SDK1: variants seen among roughly 807,000 people sequenced by gnomAD.
The protein encoded by SDK1 is protein sidekick-1.
In SDK1, 157 loss-of-function variants were observed where a neutral mutation model predicts 245.5. The observed-to-expected ratio is 0.64, with a 90% CI of 0.56 to 0.73. SDK1 has a LOEUF of 0.73. Among genes scored for constraint, SDK1 ranks in the 30% least tolerant of loss-of-function variants. The pLI is 0.00. For synonymous variants in SDK1, 1,647 were observed against 1,278.5 expected (o/e 1.29, Z -6.15); for missense variants, 3,583 against 3,002.3 (o/e 1.19, Z -4.52).
intron 35 of SDK1, among the ~76,000 whole-genome samples, chr7:4,187,224 G>C (rs1362083005): frequency 6.6e-6 from 1 of 152,078 alleles, no homozygotes; most frequent in African/African-American, 2.4e-5. Flanking sequence ...CCATGTGGGG[G>C]TAAACCTCCA....
At chr7:3,379,220 G>A (rs1237655877) in intron 1 of SDK1, among the ~76,000 whole-genome samples, 1 of 152,160 alleles carries the variant, frequency 6.6e-6, no homozygotes, top group African/African-American at 2.4e-5. Flanking sequence ...GAAAATAATG[G>A]TGAAGAGAAG....
chr7:3,387,530 C>G (rs1333344913), intron 1 of SDK1, among the ~76,000 whole-genome samples: 1 of 152,188 alleles, frequency 6.6e-6, no homozygotes, highest in Non-Finnish European at 1.5e-5. Context: ...CTGCATATGC[C>G]AATCACAGTG....
chr7:3,301,621 G>C lies in SDK1; in HGVS notation c.35G>C (p.Gly12Ala). 1 of 971,564 alleles carries C rather than the reference G, an allele frequency of 1.0e-6. No individual in the cohort carries two copies. 60.2% of individuals were successfully genotyped at this position (971,564 alleles called of 1,614,324 possible). ...ARGARPSAAG[G>A]GGGGAEPPER... Reference sequence around the variant, plus strand: ...GGCGCCCGGCCCTCGGCGGCCGGTGGCGGCGGCGGCGGCGCGGAGCCCCCT... The same window carrying C: ...GGCGCCCGGCCCTCGGCGGCCGGTGCCGGCGGCGGCGGCGCGGAGCCCCCT... The change falls in exon 1 of 45, where the codon GGC (glycine) becomes GCC (alanine). Residue 12 changes from glycine to alanine, a missense_variant. Gly to Ala is a moderately conservative substitution (Grantham distance 60). Coordinates refer to ENST00000404826, the MANE Select transcript of SDK1 (RefSeq NM_152744.4).
intron 44 of SDK1, among the ~76,000 whole-genome samples, chr7:4,252,839 T>C (rs948624735): frequency 6.6e-6 from 1 of 150,726 alleles, no homozygotes; most frequent in African/African-American, 2.4e-5. Context: ...CCCCCTCTTT[T>C]TTTTTTTGTT....
Position 4,175,801 on chromosome 7 carries a change from A to G in SDK1, c.4963A>G (p.Ser1655Gly), listed in dbSNP as rs746269291. The G allele has an allele frequency of 5.6e-5, 90 of 1,613,856 alleles. No homozygotes were observed. Among genetic ancestry groups the G allele is most frequent in the Non-Finnish European group, 7.4e-5 (87 of 1,180,040 alleles). Residue 1655 changes from serine to glycine, a missense_variant, in exon 34 of 45, where the codon AGC becomes GGC. Coordinates refer to ENST00000404826, the MANE Select transcript of SDK1 (RefSeq NM_152744.4). ...TAQSSFKTVN[S>G]SSTSTMCELT... ...CCAAAGCAGCTTCAAGACGGTGAAC[A>G]GCAGCTCCACATCGACGATGTGTGA...
chr7:3,394,517 CATTTGCATTTTA>C (rs1280645191), intron 1 of SDK1, among the ~76,000 whole-genome samples: 1 of 151,592 alleles, frequency 6.6e-6, no homozygotes, highest in Non-Finnish European at 1.5e-5. Context: ...TTTGCATTTT[CATTTGCATTTTA>C]GGACCTGCTT....
At chr7:3,575,007 A>T (rs1780239575) in intron 1 of SDK1, among the ~76,000 whole-genome samples, 1 of 152,034 alleles carries the variant, frequency 6.6e-6, no homozygotes, top group South Asian at 2.1e-4. Flanking sequence ...CAGTTGCTGG[A>T]ATCATCACAG....
At chr7:4,096,980 C>G (rs556036247) in intron 22 of SDK1, among the ~76,000 whole-genome samples, 41 of 152,328 alleles carry the variant, frequency 2.7e-4, no homozygotes, top group African/African-American at 9.9e-4. Flanking sequence ...TCACAGTGCA[C>G]TCGAGCAGAA....
intron 1 of SDK1, among the ~76,000 whole-genome samples, chr7:3,529,737 T>C (rs1016882621): frequency 2.6e-5 from 4 of 152,070 alleles, no homozygotes; most frequent in African/African-American, 4.8e-5. Context: ...TCTTGAGATA[T>C]CTCCCCCAAA....
rs533644430 is a variant in SDK1 at position 4,026,416 on chromosome 7, C to T, written c.2602+9064C>T. 1.3e-5 allele frequency among the ~76,000 whole-genome samples: 2 copies of T among 152,308 alleles called. No individual in the cohort carries two copies. Among genetic ancestry groups the T allele is most frequent in the South Asian group, 2.1e-4 (1 of 4,824 alleles). ...ACTGGTATTTTGTGAATAGAAATAA[C>T]ATCTTGTTCCTAACTGACTTCAGAG... is the stretch of plus-strand genomic sequence containing the variant. On this transcript the variant is annotated intron_variant, in intron 17 of 44. Transcript: ENST00000404826. This position sits in a 1 kb window ranked among gnomAD's most constrained non-coding sequence, Gnocchi z 4.1.
At chr7:3,412,625 G>A (rs73298396) in intron 1 of SDK1, among the ~76,000 whole-genome samples, 8,602 of 152,248 alleles carry the variant, frequency 0.056, 687 homozygotes, top group African/African-American at 0.18. Flanking sequence ...AAAGCTGTAG[G>A]ATAAATTCCT....
chr7:4,129,434 C>T (rs1258406605), intron 26 of SDK1, among the ~76,000 whole-genome samples: 1 of 151,552 alleles, frequency 6.6e-6, no homozygotes, highest in Non-Finnish European at 1.5e-5. Context: ...GGGGTACCTA[C>T]AGCATGCACA....
chr7:3,515,019 G>C (rs917121556), intron 1 of SDK1, among the ~76,000 whole-genome samples: 1 of 152,130 alleles, frequency 6.6e-6, no homozygotes. Context: ...GGCATTATTA[G>C]GCTTGGAGGG....
At chr7:3,432,416 A>G (rs1389279592) in intron 1 of SDK1, among the ~76,000 whole-genome samples, 2 of 152,110 alleles carry the variant, frequency 1.3e-5, no homozygotes, top group African/African-American at 4.8e-5. Context: ...TACTATGGCA[A>G]TCTTATTCCT....
At chr7:4,160,312 G>T (rs1370018189) in intron 31 of SDK1, among the ~76,000 whole-genome samples, 1 of 152,172 alleles carries the variant, frequency 6.6e-6, no homozygotes, top group East Asian at 1.9e-4. Context: ...GACAGATTGT[G>T]TGAAAGCAAA....
intron 4 of SDK1, among the ~76,000 whole-genome samples, chr7:3,718,395 T>TA (rs1785264328): frequency 6.6e-6 from 1 of 151,710 alleles, no homozygotes; most frequent in Non-Finnish European, 1.5e-5. Context: ...TAGTTCCAGA[T>TA]ACATGGTGGG....
At chr7:3,762,878 G>A (rs768176619) in intron 4 of SDK1, among the ~76,000 whole-genome samples, 7 of 152,164 alleles carry the variant, frequency 4.6e-5, no homozygotes, top group Admixed American at 1.3e-4. Flanking sequence ...TGATTTTTGA[G>A]GTTGCCTACA....
At position 3,578,326 on chromosome 7, in the gene SDK1, C is replaced by T. The variant is rs557435278; in HGVS notation, c.299-40754C>T. ...AGAACAGGGAGTAGGTCACAAAGATCACATGCTTCAAAGGGCAAAAAGGAG... is the reference window on the plus strand; with the variant it reads ...AGAACAGGGAGTAGGTCACAAAGATTACATGCTTCAAAGGGCAAAAAGGAG... On this transcript the variant is annotated intron_variant, in intron 1 of 44. Coordinates refer to ENST00000404826, the MANE Select transcript of SDK1 (RefSeq NM_152744.4). Among the ~76,000 whole-genome samples the T allele has an allele frequency of 4.6e-5, 7 of 152,132 alleles. No individual in the cohort carries two copies. In the East Asian group the frequency reaches 1.4e-3, roughly 29 times the overall value.
rs574804350 is a variant in SDK1 at position 3,791,132 on chromosome 7, G to C, written c.714-30318G>C. 2.6e-5 allele frequency among the ~76,000 whole-genome samples: 4 copies of C among 151,634 alleles called. No homozygotes were observed. The East Asian group carries it at 7.8e-4, about 30-fold the overall frequency. ...CTCTTAGAACAGTGACTGGTATGTAGTAAATATTACATAAGTGGTAGTTTA... is the reference window on the plus strand; with the variant it reads ...CTCTTAGAACAGTGACTGGTATGTACTAAATATTACATAAGTGGTAGTTTA... On this transcript the variant is annotated intron_variant, in intron 4 of 44. Coordinates refer to ENST00000404826, the MANE Select transcript of SDK1 (RefSeq NM_152744.4).
Sources: gnomAD v4.1 joint callset for allele counts (sites outside exome capture counted in the v4.1 genomes callset) on GRCh38, gnomAD v4.1.1 for gene constraint, Gnocchi (gnomAD v3.1) non-coding constraint, MANE v1.5 for transcripts, NCBI Gene and HGNC (gene_info 2026-07-23, HGNC 2026-07-21) for gene names.